Variants in GPR180 observed in about 807,000 individuals in gnomAD.
GPR180 encodes integral membrane protein GPR180.
Under a neutral mutation model 52.6 loss-of-function variants are expected in GPR180, and 53 were observed. The ratio of observed to expected loss-of-function variants is 1.01; its 90% CI spans 0.81 to 1.27. The LOEUF is 1.27. Ranked by LOEUF, GPR180 falls within the 50% of genes most tolerant of loss-of-function variation. GPR180 has a pLI of 0.00. For synonymous variants in GPR180, 200 were observed against 193.1 expected, an observed-to-expected ratio of 1.04 and a Z score of -0.30; for missense variants, 533 against 527.0, an observed-to-expected ratio of 1.01 and a Z score of -0.11.
In GPR180 at chr13:94,627,726, T is replaced by C. The variant is rs1218470737; in HGVS notation, c.*555T>C. 1 of 152,182 alleles carries C rather than the reference T, an allele frequency of 6.6e-6. No individual in the cohort carries two copies. Among genetic ancestry groups the C allele is most frequent in the East Asian group, 1.9e-4 (1 of 5,208 alleles). The allele number at this position is 152,182 out of a possible 1,614,324, so 9.4% of individuals were successfully genotyped here. ...GTTAAATGAATAAGCTTTTGTTTAT[T>C]TGTGGGTGGAGTTATTCTCCAATTT... is the stretch of plus-strand genomic sequence containing the variant. On this transcript the variant is annotated 3_prime_UTR_variant, in exon 9 of 9. Transcript: ENST00000376958.
chr13:94,620,783 G>A (rs905836528), intron 5 of GPR180, among the ~76,000 whole-genome samples: 5 of 152,092 alleles, frequency 3.3e-5, no homozygotes, highest in South Asian at 2.1e-4. Context: ...AATGGGAAAC[G>A]AAAAGAGTTA....
intron 2 of GPR180, among the ~76,000 whole-genome samples, chr13:94,608,540 T>G (rs1488737265): frequency 6.6e-6 from 1 of 152,216 alleles, no homozygotes; most frequent in East Asian, 1.9e-4. Context: ...ATATATGTAC[T>G]TCACCAATTT....
Position 94,633,807 on chromosome 13 carries a change from T to G in GPR180, c.*6636T>G, listed in dbSNP as rs1267767819. The G allele has an allele frequency of 6.6e-6, 1 of 152,190 alleles. No homozygotes were observed. The highest frequency in any genetic ancestry group is 1.5e-5 in the Non-Finnish European group (1 of 68,024). The allele number at this position is 152,190 out of a possible 1,614,324, so 9.4% of individuals were successfully genotyped here. On this transcript the variant is annotated 3_prime_UTR_variant, in exon 9 of 9. Coordinates refer to ENST00000376958, the MANE Select transcript of GPR180 (RefSeq NM_180989.6). ...TATGTTTAAATGCCCTGTATTTTCA[T>G]CTAGTGGTTTTATGGTTTTATTTTG...
chr13:94,610,734 A>C (rs1177135599), intron 2 of GPR180, among the ~76,000 whole-genome samples: 3 of 152,224 alleles, frequency 2.0e-5, no homozygotes, highest in Admixed American at 6.5e-5. Flanking sequence ...AATCTTAGAC[A>C]TCATTTTGTG....
At chr13:94,605,648 C>G (rs1041564503) in intron 2 of GPR180, 99 bp downstream of exon 2, 1 of 939,852 alleles carries the variant, frequency 1.1e-6, no homozygotes, top group African/African-American at 1.7e-5. Flanking sequence ...TTCCTGACAG[C>G]ATAATCCCAC....
At position 94,628,034 on chromosome 13, in the gene GPR180, T is replaced by G. The variant is rs1328696367; in HGVS notation, c.*863T>G. The G allele has an allele frequency of 6.6e-6, 1 of 152,506 alleles. No homozygotes were observed. The highest frequency in any genetic ancestry group is 2.4e-5 in the African/African-American group (1 of 41,440). The allele number at this position is 152,506 out of a possible 1,614,324, so 9.4% of individuals were successfully genotyped here. ...ATTAAGCCGTATACACAGATTAAATTAACAGAAGCATTTCACATAAATGTT... is the reference window on the plus strand; with the variant it reads ...ATTAAGCCGTATACACAGATTAAATGAACAGAAGCATTTCACATAAATGTT... On this transcript the variant is annotated 3_prime_UTR_variant, in exon 9 of 9. Coordinates refer to ENST00000376958, the MANE Select transcript of GPR180 (RefSeq NM_180989.6).
At chr13:94,619,990 G>A (rs1415379689) in intron 5 of GPR180, among the ~76,000 whole-genome samples, 1 of 152,094 alleles carries the variant, frequency 6.6e-6, no homozygotes, top group African/African-American at 2.4e-5. Flanking sequence ...CCAAAGTCCT[G>A]GAATTACAGG....
chr13:94,602,932 A>G (rs1350292690), intron 1 of GPR180, among the ~76,000 whole-genome samples: 1 of 152,208 alleles, frequency 6.6e-6, no homozygotes, highest in Non-Finnish European at 1.5e-5. Context: ...TACAGTCTTT[A>G]GCATTAAAAG....
chr13:94,626,139 A>C (rs1889925970), intron 8 of GPR180, 96 bp downstream of exon 8: 2 of 755,284 alleles, frequency 2.6e-6, no homozygotes, highest in South Asian at 4.0e-5. Context: ...ATTTTTTAAG[A>C]CATTTTCTGG....
intron 1 of GPR180, among the ~76,000 whole-genome samples, chr13:94,603,903 A>G (rs1889592596): frequency 6.6e-6 from 1 of 152,158 alleles, no homozygotes; most frequent in Admixed American, 6.5e-5. Context: ...TTCATTCTGT[A>G]TTCATCTTAC....
rs1452069734 is a variant in GPR180, at chr13:94,627,757, G to T, written c.*586G>T. On this transcript the variant is annotated 3_prime_UTR_variant, in exon 9 of 9. Coordinates refer to ENST00000376958, the MANE Select transcript of GPR180 (RefSeq NM_180989.6). ...GTGGAGTTATTCTCCAATTTTTTCT[G>T]CCATTTTTGGCTCTAGTTCAGGTTT... 1.3e-5 allele frequency: 2 copies of T among 151,994 alleles called. No homozygotes were observed. The highest frequency in any genetic ancestry group is 4.8e-5 in the African/African-American group (2 of 41,402). 9.4% of individuals were successfully genotyped at this position (151,994 alleles called of 1,614,324 possible).
intron 8 of GPR180, among the ~76,000 whole-genome samples, chr13:94,626,354 C>T (rs1889928800): frequency 6.6e-6 from 1 of 151,876 alleles, no homozygotes. Context: ...ATTTTTCTTA[C>T]ATAATAGCAA....
Position 94,623,206 on chromosome 13 carries a change from T to G in GPR180, c.992T>G (p.Ile331Ser). 2 of 1,614,042 alleles carry G rather than the reference T, an allele frequency of 1.2e-6. No individual in the cohort carries two copies. Among genetic ancestry groups the G allele is most frequent in the Non-Finnish European group, 1.7e-6 (2 of 1,179,902 alleles). The change falls in exon 7 of 9, where the codon ATT becomes AGT. Residue 331 changes from isoleucine to serine, a missense_variant. Ile to Ser is a moderately radical substitution (Grantham distance 142, BLOSUM62 -2). Transcript: ENST00000376958. Reference sequence around the variant, plus strand: ...GGGATCCTCCTAATTGTTCTAAGAATTTGCCTAGCATTGTCATTAGGCTGT... The same window carrying G: ...GGGATCCTCCTAATTGTTCTAAGAAGTTGCCTAGCATTGTCATTAGGCTGT... The part of the protein sequence containing the change: ...LAGILLIVLR[I>S]CLALSLGCGL...
intron 3 of GPR180, among the ~76,000 whole-genome samples, chr13:94,618,490 A>T (rs1479962243): frequency 7.3e-6 from 1 of 137,200 alleles, no homozygotes; most frequent in East Asian, 2.1e-4. Flanking sequence ...TCTGGACATG[A>T]CAGATATTTT....
Position 94,602,077 on chromosome 13 carries a change from G to C in GPR180, c.145+5G>C, listed in dbSNP as rs757159416. On this transcript the variant is annotated splice_donor_5th_base_variant and intron_variant, in intron 1 of 8. Transcript: ENST00000376958. ...TCGGCCACTTCGAGTTCCATGGTAGGTCTGGGGGCGGGGAGGGGGATGAAG... is the reference window on the plus strand; with the variant it reads ...TCGGCCACTTCGAGTTCCATGGTAGCTCTGGGGGCGGGGAGGGGGATGAAG... 5 of 1,351,106 alleles carry C rather than the reference G, an allele frequency of 3.7e-6. No homozygotes were observed. Among genetic ancestry groups the C allele is most frequent in the South Asian group, 1.9e-5 (1 of 52,196 alleles). The allele number at this position is 1,351,106 out of a possible 1,614,324, so 83.7% of individuals were successfully genotyped here. A position where few individuals can be genotyped will look rare whatever the true frequency, so the allele number is the denominator to read the frequency against.
In GPR180 at chr13:94,632,327, ACT is replaced by A. The variant is rs1890009252; in HGVS notation, c.*5159_*5160del. ...ACTCATTTCCCTTCCCTGAATCCAA[ACT>A]CTGTTACCAGTTATCTTTCTAGAAA... is the stretch of plus-strand genomic sequence containing the variant. On this transcript the variant is annotated 3_prime_UTR_variant, in exon 9 of 9. Coordinates refer to ENST00000376958, the MANE Select transcript of GPR180 (RefSeq NM_180989.6). The A allele has an allele frequency of 6.6e-6, 1 of 151,868 alleles. No homozygotes were observed. Among genetic ancestry groups the A allele is most frequent in the South Asian group, 2.1e-4 (1 of 4,814 alleles). The allele number at this position is 151,868 out of a possible 1,614,324, so 9.4% of individuals were successfully genotyped here.
At chr13:94,612,099 G>C (rs1164206018) in intron 2 of GPR180, 91 bp from the exon 3 acceptor site, 1 of 980,784 alleles carries the variant, frequency 1.0e-6, no homozygotes, top group East Asian at 2.4e-5. Context: ...AAAATTAAAA[G>C]ATTGTCCTAA....
chr13:94,609,358 A>G (rs1030338699), intron 2 of GPR180, among the ~76,000 whole-genome samples: 23 of 152,316 alleles, frequency 1.5e-4, no homozygotes, highest in African/African-American at 5.5e-4. Context: ...TGTCTCAGAA[A>G]CAATGAACAC....
In GPR180 at chr13:94,619,321, A is replaced by G. The variant is rs758866003; in HGVS notation, c.677A>G (p.His226Arg). The change falls in exon 4 of 9, where the codon CAT becomes CGT. Residue 226 changes from histidine (H) to arginine (R), a missense_variant. By Grantham distance (29) the His-to-Arg change is conservative (BLOSUM62 0). Transcript: ENST00000376958. ...GGTTCAGCTTTAGCTAATTACATTCATTTCTCCAGGTAACTCAAAACCACT... is the reference window on the plus strand; with the variant it reads ...GGTTCAGCTTTAGCTAATTACATTCGTTTCTCCAGGTAACTCAAAACCACT... Reference protein sequence around the residue: ...QAGSALANYIHFSSYSKDGIG... With the variant: ...QAGSALANYIRFSSYSKDGIG... The G allele has an allele frequency of 6.2e-7, 1 of 1,613,824 alleles. No homozygotes were observed. The highest frequency in any genetic ancestry group is 1.1e-5 in the South Asian group (1 of 91,020).
Sources: gnomAD v4.1 joint callset for allele counts (sites outside exome capture counted in the v4.1 genomes callset) on GRCh38, gnomAD v4.1.1 for gene constraint, MANE v1.5 for transcripts, NCBI Gene and HGNC (gene_info 2026-07-23, HGNC 2026-07-21) for gene names.